The following CCDC192 variants were observed in gnomAD, a reference collection of about 807,000 sequenced individuals.
CCDC192 encodes coiled-coil domain-containing protein 192.
At chr5:127,738,764 C>G (rs1753193126) in intron 2 of CCDC192, among the ~76,000 whole-genome samples, 1 of 152,186 alleles carries the variant, frequency 6.6e-6, no homozygotes, top group Admixed American at 6.5e-5. Context: ...GTTCTCGAGC[C>G]TTGGTTTTCA....
chr5:127,800,614 A>C (rs1173212415), intron 5 of CCDC192, among the ~76,000 whole-genome samples: 1 of 152,046 alleles, frequency 6.6e-6, no homozygotes, highest in Non-Finnish European at 1.5e-5. Context: ...CTTAAATATG[A>C]CCTGAATATC....
intron 5 of CCDC192, among the ~76,000 whole-genome samples, chr5:127,808,652 A>G (rs1437877421): frequency 6.6e-6 from 1 of 151,958 alleles, no homozygotes; most frequent in African/African-American, 2.4e-5. Context: ...TGCTCCATCC[A>G]CTACTTACTT....
intron 6 of CCDC192, among the ~76,000 whole-genome samples, chr5:127,912,419 C>CAAAAAAAAAAAA (rs60854127): frequency 0.11 from 8,682 of 80,996 alleles, 1,547 homozygotes; most frequent in Non-Finnish European, 0.12. Flanking sequence ...CTGGGTTTAG[C>CAAAAAAAAAAAA]AAAAAAAAAA....
At chr5:127,834,105 C>T (rs1473435001) in intron 5 of CCDC192, among the ~76,000 whole-genome samples, 1 of 152,150 alleles carries the variant, frequency 6.6e-6, no homozygotes, top group Non-Finnish European at 1.5e-5. Flanking sequence ...TCTTACTCCC[C>T]TCTCTGCCCA....
At chr5:127,712,393 TA>T (rs1751389035) in intron 2 of CCDC192, among the ~76,000 whole-genome samples, 1 of 152,190 alleles carries the variant, frequency 6.6e-6, no homozygotes, top group South Asian at 2.1e-4. Flanking sequence ...GAGTTCTCAA[TA>T]AGCTGATTGT....
chr5:127,847,856 C>CATAA lies in CCDC192; in HGVS notation c.412-27675_412-27672dup, dbSNP rs1561521241. 3.6e-4 allele frequency among the ~76,000 whole-genome samples: 28 copies of CATAA among 77,514 alleles called. No individual in the cohort carries two copies. The East Asian group carries it at 7.0e-3, about 19-fold the overall frequency. The allele number at this position is 77,514 out of a possible 152,430, so 50.9% of individuals were successfully genotyped here. On this transcript the variant is annotated intron_variant, in intron 5 of 6. Transcript: ENST00000514853. ...AAATAAATAAATAAATAAATAAATA[C>CATAA]ATAAATAAATGCTCACTGCAACCTC...
At chr5:127,708,348 C>T (rs1434133611) in intron 2 of CCDC192, among the ~76,000 whole-genome samples, 1 of 152,132 alleles carries the variant, frequency 6.6e-6, no homozygotes, top group Non-Finnish European at 1.5e-5. Flanking sequence ...GTGTGGGTTG[C>T]TAAGAGGTGC....
chr5:127,838,806 A>C (rs1318099679), intron 5 of CCDC192: 1 of 152,216 alleles, frequency 6.6e-6, no homozygotes, highest in Non-Finnish European at 1.5e-5. Context: ...CTCTCTCCTC[A>C]ACACTGTGAA....
intron 6 of CCDC192, among the ~76,000 whole-genome samples, chr5:127,896,490 A>G (rs547113099): frequency 2.6e-4 from 39 of 151,336 alleles, no homozygotes; most frequent in African/African-American, 9.0e-4. Flanking sequence ...CTGGAGTGCA[A>G]CACTGCGAAC....
intron 2 of CCDC192, among the ~76,000 whole-genome samples, chr5:127,722,715 T>C (rs1752097019): frequency 6.6e-6 from 1 of 152,226 alleles, no homozygotes; most frequent in Non-Finnish European, 1.5e-5. Context: ...TTGAAGAGAC[T>C]GTCCCTTCTC....
intron 6 of CCDC192, among the ~76,000 whole-genome samples, chr5:127,928,994 T>C (rs1440018055): frequency 2.0e-5 from 3 of 152,076 alleles, no homozygotes; most frequent in African/African-American, 7.2e-5. Flanking sequence ...CTTGAACTCC[T>C]GACCTCATGA....
At chr5:127,795,563 C>T (rs1041288284) in intron 3 of CCDC192, among the ~76,000 whole-genome samples, 2 of 151,976 alleles carry the variant, frequency 1.3e-5, no homozygotes, top group Non-Finnish European at 2.9e-5. Flanking sequence ...TGAGATCACA[C>T]AGATAGTAAA....
intron 5 of CCDC192, among the ~76,000 whole-genome samples, chr5:127,823,962 C>A (rs566462106): frequency 6.6e-6 from 1 of 152,270 alleles, no homozygotes; most frequent in African/African-American, 2.4e-5. Flanking sequence ...CCTAGCACAA[C>A]AGGCCAACCA....
intron 6 of CCDC192, among the ~76,000 whole-genome samples, chr5:127,933,148 G>A (rs1311818714): frequency 6.6e-6 from 1 of 152,154 alleles, no homozygotes; most frequent in Non-Finnish European, 1.5e-5. Flanking sequence ...AGAGGAGGAA[G>A]GAGGAATAGG....
intron 4 of CCDC192, 109 bp downstream of exon 4, chr5:127,797,343 T>A: frequency 2.6e-6 from 1 of 379,436 alleles, no homozygotes; most frequent in Non-Finnish European, 4.7e-6. Flanking sequence ...ATTTTTAAGT[T>A]CATAATGGTA....
At chr5:127,711,127 T>C (rs957910228) in intron 2 of CCDC192, among the ~76,000 whole-genome samples, 15 of 152,322 alleles carry the variant, frequency 9.8e-5, no homozygotes, top group Middle Eastern at 3.4e-3. Context: ...TCTGAGAATC[T>C]AGACACATAG....
At chr5:127,850,891 G>A (rs986122230) in intron 5 of CCDC192, among the ~76,000 whole-genome samples, 1 of 152,174 alleles carries the variant, frequency 6.6e-6, no homozygotes, top group East Asian at 1.9e-4. Flanking sequence ...GCTTGAACCC[G>A]TGAGGTGGAG....
intron 5 of CCDC192, among the ~76,000 whole-genome samples, chr5:127,842,632 T>C (rs945836988): frequency 3.3e-5 from 5 of 152,256 alleles, no homozygotes; most frequent in African/African-American, 1.2e-4. Flanking sequence ...TGTAATTTTC[T>C]ACAAAATATT....
chr5:127,836,250 C>G (rs563356432), intron 5 of CCDC192, among the ~76,000 whole-genome samples: 1 of 152,352 alleles, frequency 6.6e-6, no homozygotes, highest in South Asian at 2.1e-4. Flanking sequence ...CACATCCACG[C>G]CACACTGATA....
Sources: allele counts gnomAD v4.1 joint callset (sites outside exome capture counted in the v4.1 genomes callset), GRCh38; gene constraint gnomAD v4.1.1; transcripts MANE v1.5; gene names NCBI Gene and HGNC (gene_info 2026-07-23, HGNC 2026-07-21).